CLASP2: variants seen among roughly 807,000 people sequenced by gnomAD.
CLASP2 encodes the protein CLIP-associating protein 2.
CLASP2 carries 47 observed loss-of-function variants against 194.4 expected under a neutral mutation model. The observed-to-expected ratio is 0.24, with a 90% confidence interval of 0.19 to 0.31. The LOEUF (loss-of-function observed/expected upper bound fraction) is 0.31, where lower values mean the gene tolerates loss of function less well. Among genes scored for constraint, CLASP2 ranks in the 10% least tolerant of loss-of-function variants. The pLI, the probability that CLASP2 is intolerant of heterozygous loss-of-function variation, is 1.00. For synonymous variants in CLASP2, 619 were observed against 633.5 expected, an observed-to-expected ratio of 0.98 and a Z score of 0.34; for missense variants, 1,445 against 1,823.6, an observed-to-expected ratio of 0.79 and a Z score of 3.78.
intron 37 of CLASP2, 53 bp downstream of exon 37, chr3:33,510,505 A>G: frequency 6.5e-7 from 1 of 1,536,338 alleles, no homozygotes; most frequent in Admixed American, 1.7e-5. Flanking sequence ...TACCTAAAAT[A>G]ACTGTATCCC....
At chr3:33,633,781 T>C (rs527769545) in intron 8 of CLASP2, among the ~76,000 whole-genome samples, 2 of 152,224 alleles carry the variant, frequency 1.3e-5, no homozygotes, top group South Asian at 2.1e-4. Flanking sequence ...ATTAAACATA[T>C]TTAAGAACAA....
At chr3:33,687,782 G>A (rs1322323357) in intron 4 of CLASP2, among the ~76,000 whole-genome samples, 1 of 152,136 alleles carries the variant, frequency 6.6e-6, no homozygotes, top group Non-Finnish European at 1.5e-5. Context: ...TTTCAGATCA[G>A]AGTCATAGTT....
chr3:33,688,747 A>G (rs1413274630), intron 3 of CLASP2, among the ~76,000 whole-genome samples: 4 of 152,142 alleles, frequency 2.6e-5, no homozygotes, highest in Admixed American at 2.0e-4. Flanking sequence ...GTGGTCCAAC[A>G]TTGCCTAGCA....
chr3:33,651,366 G>C (rs2083165070), intron 7 of CLASP2, among the ~76,000 whole-genome samples: 1 of 129,632 alleles, frequency 7.7e-6, no homozygotes, highest in Non-Finnish European at 1.6e-5. Context: ...CTGGGCAACA[G>C]AGCGAGATCC....
intron 29 of CLASP2, 89 bp from the exon 30 acceptor site, chr3:33,551,484 TG>T: frequency 7.6e-7 from 1 of 1,313,362 alleles, no homozygotes; most frequent in Non-Finnish European, 1.0e-6. Flanking sequence ...GTGATGATGA[TG>T]ATTTTTTTTT....
intron 34 of CLASP2, among the ~76,000 whole-genome samples, chr3:33,527,436 G>A (rs2054879574): frequency 6.6e-6 from 1 of 152,118 alleles, no homozygotes; most frequent in Non-Finnish European, 1.5e-5. Flanking sequence ...TCCCTGAACA[G>A]ACTAATAACA....
chr3:33,637,188 A>C (rs1252425454), intron 8 of CLASP2, among the ~76,000 whole-genome samples: 1 of 152,198 alleles, frequency 6.6e-6, no homozygotes, highest in Non-Finnish European at 1.5e-5. Context: ...AGACTCCAAA[A>C]AGTCAAAGTC....
chr3:33,559,894 C>G (rs1454862063), intron 28 of CLASP2, among the ~76,000 whole-genome samples: 3 of 150,558 alleles, frequency 2.0e-5, no homozygotes, highest in East Asian at 2.0e-4. Flanking sequence ...AACTCCCTCT[C>G]AAAGAAAAAA....
At position 33,640,269 on chromosome 3, in the gene CLASP2, A is replaced by C. The variant is rs1215144114; in HGVS notation, c.862+4488T>G. Among the ~76,000 whole-genome samples, 9 of 152,216 alleles carry C rather than the reference A, an allele frequency of 5.9e-5. 1 individual carries two copies. The highest frequency in any genetic ancestry group is 5.9e-4 in the Admixed American group (9 of 15,286). Reference sequence around the variant, plus strand: ...TGATCTTTATTTGGTCAAAAGAAAAACAATTTTGTTGTCTGCATGATGGGA... The same window carrying C: ...TGATCTTTATTTGGTCAAAAGAAAACCAATTTTGTTGTCTGCATGATGGGA... On this transcript the variant is annotated intron_variant, in intron 8 of 38. Transcript: ENST00000682230.
chr3:33,649,640 G>A (rs1301622594), intron 7 of CLASP2, among the ~76,000 whole-genome samples: 2 of 152,146 alleles, frequency 1.3e-5, no homozygotes, highest in Admixed American at 1.3e-4. Flanking sequence ...GCCTTGTGGG[G>A]CAAAGGGAAC....
chr3:33,630,128 A>G (rs1283298477), intron 9 of CLASP2, among the ~76,000 whole-genome samples: 1 of 152,236 alleles, frequency 6.6e-6, no homozygotes, highest in African/African-American at 2.4e-5. Flanking sequence ...AGCTACAGTG[A>G]AAGTGAGGAG....
chr3:33,647,349 AT>A (rs934860121), intron 7 of CLASP2, among the ~76,000 whole-genome samples: 1 of 152,154 alleles, frequency 6.6e-6, no homozygotes, highest in African/African-American at 2.4e-5. Context: ...TCACCGGGCA[AT>A]TTGTTAAAAA....
intron 12 of CLASP2, among the ~76,000 whole-genome samples, chr3:33,614,200 G>C (rs538933752): frequency 6.6e-6 from 1 of 152,116 alleles, no homozygotes; most frequent in African/African-American, 2.4e-5. Context: ...CGTGAAAAAT[G>C]AGCAATTTGA....
chr3:33,510,927 A>T (rs1422768280), intron 36 of CLASP2, among the ~76,000 whole-genome samples, 163 bp from the exon 37 acceptor site: 1 of 152,190 alleles, frequency 6.6e-6, no homozygotes, highest in Non-Finnish European at 1.5e-5. Context: ...ACTGATAAAA[A>T]GGATTGGCAA....
intron 34 of CLASP2, among the ~76,000 whole-genome samples, chr3:33,532,318 A>G (rs2056499190): frequency 6.6e-6 from 1 of 152,226 alleles, no homozygotes; most frequent in Non-Finnish European, 1.5e-5. Flanking sequence ...ACTTAAGAGT[A>G]GACAAAAATC....
chr3:33,634,662 T>C (rs188515153), intron 8 of CLASP2, among the ~76,000 whole-genome samples: 4 of 152,318 alleles, frequency 2.6e-5, no homozygotes, highest in Admixed American at 1.3e-4. Context: ...TTCTTGAAAA[T>C]TGCTGAGAGA....
chr3:33,544,601 T>C, intron 31 of CLASP2, 97 bp downstream of exon 31: 1 of 1,138,394 alleles, frequency 8.8e-7, no homozygotes, highest in Non-Finnish European at 1.2e-6. Flanking sequence ...GCAAAAATTA[T>C]ATATTAAGGA....
chr3:33,711,745 A>G (rs533336867), intron 1 of CLASP2, among the ~76,000 whole-genome samples: 1 of 152,314 alleles, frequency 6.6e-6, no homozygotes, highest in Admixed American at 6.5e-5. Flanking sequence ...AAAAGAAGAT[A>G]TACAACTGGC....
At chr3:33,615,440 T>C (rs1173850424) in intron 12 of CLASP2, among the ~76,000 whole-genome samples, 3 of 117,202 alleles carry the variant, frequency 2.6e-5, no homozygotes, top group Non-Finnish European at 5.5e-5. Flanking sequence ...AAGAAAAAAA[T>C]ACTATTTCAA....
Sources: gnomAD v4.1 joint callset for allele counts (sites outside exome capture counted in the v4.1 genomes callset) on GRCh38, gnomAD v4.1.1 for gene constraint, MANE v1.5 for transcripts, NCBI Gene and HGNC (gene_info 2026-07-23, HGNC 2026-07-21) for gene names.